METTL8: variants seen among roughly 807,000 people sequenced by gnomAD.
METTL8 encodes the protein tRNA N(3)-cytidine methyltransferase METTL8, mitochondrial.
Under a neutral mutation model 48.7 loss-of-function variants are expected in METTL8, and 32 were observed. The observed-to-expected ratio is 0.66, with a 90% confidence interval of 0.50 to 0.88. The LOEUF is 0.88. Ranked by LOEUF, METTL8 falls within the 40% of genes least tolerant of loss-of-function variation. The pLI, the probability that METTL8 is intolerant of heterozygous loss-of-function variation, is 0.00. For missense variants in METTL8, 464 were observed against 474.4 expected, an observed-to-expected ratio of 0.98 and a Z score of 0.20; for synonymous variants, 136 against 157.1, an observed-to-expected ratio of 0.87 and a Z score of 1.01.
chr2:171,390,866 G>A (rs1688520589), intron 2 of METTL8, among the ~76,000 whole-genome samples: 1 of 152,082 alleles, frequency 6.6e-6, no homozygotes, highest in African/African-American at 2.4e-5. Flanking sequence ...AGACAACAAA[G>A]AATTTAGACA....
intron 9 of METTL8, among the ~76,000 whole-genome samples, chr2:171,324,851 CAGG>C (rs987416574): frequency 5.9e-5 from 9 of 152,168 alleles, no homozygotes; most frequent in African/African-American, 2.2e-4. Flanking sequence ...CACCTGAGGT[CAGG>C]AGTTCAAGAC....
At position 171,364,095 on chromosome 2, in the gene METTL8, G is replaced by A. The variant is rs556348154; in HGVS notation, c.144-3582C>T. On this transcript the variant is annotated intron_variant, in intron 2 of 9. Coordinates refer to ENST00000375258, the MANE Select transcript of METTL8 (RefSeq NM_001321154.2). ...CCCAAAGTGCTAGGATTACAAGCGC[G>A]AGCCACTGCGCGCCCGGCCAAATTA... Among the ~76,000 whole-genome samples the A allele has an allele frequency of 2.8e-4, 43 of 151,994 alleles. No homozygotes were observed. In the South Asian group the frequency reaches 8.9e-3, roughly 32 times the overall value.
intron 1 of METTL8, 114 bp from the exon 2 acceptor site, chr2:171,392,311 G>T: frequency 1.3e-6 from 1 of 787,738 alleles, no homozygotes; most frequent in Non-Finnish European, 1.9e-6. Context: ...ATGAAAACTA[G>T]AAACTTTTTA....
At chr2:171,379,305 T>C (rs1432253634) in intron 2 of METTL8, among the ~76,000 whole-genome samples, 3 of 152,076 alleles carry the variant, frequency 2.0e-5, no homozygotes, top group Admixed American at 6.6e-5. Context: ...ATTGGAAAGC[T>C]AGAAAGATTT....
chr2:171,348,884 T>C (rs894709361), intron 3 of METTL8, among the ~76,000 whole-genome samples: 1 of 152,168 alleles, frequency 6.6e-6, no homozygotes, highest in Non-Finnish European at 1.5e-5. Context: ...CAGAAAGTCC[T>C]ATAGAGAGAA....
intron 5 of METTL8, among the ~76,000 whole-genome samples, chr2:171,335,338 G>C (rs1369894572): frequency 5.9e-5 from 9 of 152,184 alleles, no homozygotes; most frequent in Admixed American, 3.9e-4. Context: ...GTATCATGAT[G>C]TTGGCATTAT....
chr2:171,395,298 G>A (rs1574118938), intron 1 of METTL8, among the ~76,000 whole-genome samples: 1 of 151,980 alleles, frequency 6.6e-6, no homozygotes, highest in South Asian at 2.1e-4. Context: ...AAGAACAGAG[G>A]AATGAAAAAC....
In METTL8 at chr2:171,317,547, A is replaced by C. The variant is rs1036909140; in HGVS notation, c.*6625T>G. On this transcript the variant is annotated 3_prime_UTR_variant, in exon 10 of 10. Coordinates refer to ENST00000375258, the MANE Select transcript of METTL8 (RefSeq NM_001321154.2). ...CCCAGATCACTGGGATGCCAAGGACACAGCTAGCTGGACACTATTTGAAGT... is the reference window on the plus strand; with the variant it reads ...CCCAGATCACTGGGATGCCAAGGACCCAGCTAGCTGGACACTATTTGAAGT... The C allele has an allele frequency of 1.3e-5, 2 of 152,222 alleles. No homozygotes were observed. Among genetic ancestry groups the C allele is most frequent in the East Asian group, 1.9e-4 (1 of 5,194 alleles). 9.4% of individuals were successfully genotyped at this position (152,222 alleles called of 1,614,324 possible).
At chr2:171,355,673 G>A (rs947623645) in intron 3 of METTL8, among the ~76,000 whole-genome samples, 22 of 152,058 alleles carry the variant, frequency 1.4e-4, no homozygotes, top group East Asian at 5.8e-4. Flanking sequence ...AATGGCAGGC[G>A]CCCCTCCCCC....
chr2:171,434,560 G>T, upstream of METTL8: 1 of 1,525,436 alleles, frequency 6.6e-7, no homozygotes. Context: ...GCCTACCCAG[G>T]GCCCGGCCCG....
At chr2:171,350,680 T>C (rs1343320009) in intron 3 of METTL8, among the ~76,000 whole-genome samples, 5 of 152,362 alleles carry the variant, frequency 3.3e-5, no homozygotes, top group South Asian at 2.1e-4. Flanking sequence ...TGGTATCTCA[T>C]TGTGGTTTTG....
chr2:171,379,436 C>CA (rs1327354598), intron 2 of METTL8, among the ~76,000 whole-genome samples: 1 of 147,216 alleles, frequency 6.8e-6, no homozygotes, highest in Non-Finnish European at 1.5e-5. Flanking sequence ...GATAGAGACA[C>CA]AAAAAACCCT....
At chr2:171,363,351 G>A (rs1366607013) in intron 2 of METTL8, among the ~76,000 whole-genome samples, 3 of 151,774 alleles carry the variant, frequency 2.0e-5, no homozygotes, top group African/African-American at 2.4e-5. Flanking sequence ...CTGGATTCAC[G>A]TATCCCAAAA....
In METTL8 at chr2:171,324,276, G is replaced by GT. The variant is rs1684707165; in HGVS notation, c.1119dup (p.Gln374ThrfsTer23). 1.9e-6 allele frequency: 3 copies of GT among 1,551,570 alleles called. No homozygotes were observed. Among genetic ancestry groups the GT allele is most frequent in the South Asian group, 1.2e-5 (1 of 84,060 alleles). On this transcript the variant is annotated frameshift_variant, in exon 10 of 10. Transcript: ENST00000375258. LOFTEE classifies it high-confidence loss of function. Reference sequence around the variant, plus strand: ...ATCCACACTCGGTGCATTTTCACTTGTTTTTTCCTATTAACTTGTAAGCGG... The same window carrying GT: ...ATCCACACTCGGTGCATTTTCACTTGTTTTTTTCCTATTAACTTGTAAGCGG...
chr2:171,416,683 C>T (rs917010389), intron 1 of METTL8, among the ~76,000 whole-genome samples: 1 of 152,216 alleles, frequency 6.6e-6, no homozygotes, highest in Non-Finnish European at 1.5e-5. Context: ...TTCATTTTCA[C>T]ATCTGATCTT....
At chr2:171,396,368 G>T (rs1689067336) in intron 1 of METTL8, among the ~76,000 whole-genome samples, 1 of 152,026 alleles carries the variant, frequency 6.6e-6, no homozygotes, top group African/African-American at 2.4e-5. Context: ...TTAATATTTT[G>T]ATGAATTAAC....
At chr2:171,339,870 A>G (rs950485178) in intron 3 of METTL8, among the ~76,000 whole-genome samples, 1 of 152,198 alleles carries the variant, frequency 6.6e-6, no homozygotes, top group African/African-American at 2.4e-5. Flanking sequence ...CTTAACAATC[A>G]CATTGTTACC....
rs12619881 is a variant in METTL8 at position 171,363,550 on chromosome 2, G to A, written c.144-3037C>T. On this transcript the variant is annotated intron_variant, in intron 2 of 9. Coordinates refer to ENST00000375258, the MANE Select transcript of METTL8 (RefSeq NM_001321154.2). ...TGTACTTCTGGGAACTTACTGAAAC[G>A]AAGTAACTTGAAAGAACTAAGAAAT... 1.1e-4 allele frequency among the ~76,000 whole-genome samples: 16 copies of A among 151,664 alleles called. No individual in the cohort carries two copies. In the East Asian group the frequency reaches 2.7e-3, roughly 26 times the overall value.
At chr2:171,422,967 C>T (rs551416073) in intron 1 of METTL8, among the ~76,000 whole-genome samples, 1 of 152,206 alleles carries the variant, frequency 6.6e-6, no homozygotes, top group Admixed American at 6.5e-5. Flanking sequence ...ATTGTAGTTC[C>T]CATAATCTCC....
Sources: allele counts gnomAD v4.1 joint callset (sites outside exome capture counted in the v4.1 genomes callset), GRCh38; gene constraint gnomAD v4.1.1; transcripts MANE v1.5; gene names NCBI Gene and HGNC (gene_info 2026-07-23, HGNC 2026-07-21).